The following EPM2A variants were observed in gnomAD, a reference collection of about 807,000 sequenced individuals.
EPM2A encodes laforin.
Under a neutral mutation model 26.5 loss-of-function variants are expected in EPM2A, and 21 were observed. The observed-to-expected ratio is 0.79, with a 90% confidence interval of 0.56 to 1.14. The LOEUF (loss-of-function observed/expected upper bound fraction) is 1.14, where lower values mean the gene tolerates loss of function less well. Ranked by LOEUF, EPM2A falls within the 50% of genes most tolerant of loss-of-function variation. The probability of loss-of-function intolerance (pLI) is 0.00; values close to 1 mark genes in which losing one functional copy is unlikely to be tolerated. For missense variants in EPM2A, 458 were observed against 440.8 expected (o/e 1.04, Z -0.35); for synonymous variants, 217 against 177.6 (o/e 1.22, Z -1.76).
downstream of EPM2A, among the ~76,000 whole-genome samples, chr6:145,623,509 A>G (rs1310272692): frequency 6.6e-6 from 1 of 152,204 alleles, no homozygotes; most frequent in Non-Finnish European, 1.5e-5. Flanking sequence ...GTATGGCTAG[A>G]GCAGAGTGAG....
chr6:145,472,296 C>T (rs1011546640), intron 4 of EPM2A, among the ~76,000 whole-genome samples: 1 of 151,814 alleles, frequency 6.6e-6, no homozygotes, highest in African/African-American at 2.4e-5. Flanking sequence ...TGGTGAGCCC[C>T]TGAGACTTGC....
At chr6:145,710,628 C>A (rs1478185861) in intron 1 of EPM2A, among the ~76,000 whole-genome samples, 2 of 152,090 alleles carry the variant, frequency 1.3e-5, no homozygotes, top group Non-Finnish European at 2.9e-5. Context: ...TGGGTATATA[C>A]CCAAAGGATT....
intron 4 of EPM2A, among the ~76,000 whole-genome samples, chr6:145,385,546 A>G (rs1000506871): frequency 1.3e-5 from 2 of 152,186 alleles, no homozygotes; most frequent in African/African-American, 4.8e-5. Flanking sequence ...TTTTTATGTT[A>G]CATAGCAAAT....
chr6:145,472,996 A>G (rs748776825), intron 4 of EPM2A, among the ~76,000 whole-genome samples: 10 of 152,116 alleles, frequency 6.6e-5, no homozygotes, highest in Non-Finnish European at 1.3e-4. Flanking sequence ...GACACTGAAG[A>G]ACATCTAGTA....
At chr6:145,391,292 T>C (rs4896798) in intron 4 of EPM2A, among the ~76,000 whole-genome samples, 57,016 of 151,986 alleles carry the variant, frequency 0.38, 10,944 homozygotes, top group South Asian at 0.45. Context: ...CCCTCCCTTT[T>C]TGCAGTTTCA....
intron 2 of EPM2A, among the ~76,000 whole-genome samples, chr6:145,516,963 T>C (rs778793469): frequency 1.3e-5 from 2 of 152,176 alleles, no homozygotes; most frequent in African/African-American, 2.4e-5. Context: ...CATCAGTAGA[T>C]GAATGGATAA....
At chr6:145,552,084 A>G (rs1156594357) in intron 2 of EPM2A, among the ~76,000 whole-genome samples, 1 of 151,984 alleles carries the variant, frequency 6.6e-6, no homozygotes, top group African/African-American at 2.4e-5. Flanking sequence ...TTGATGCAAA[A>G]TATGAAAAAT....
At chr6:145,479,081 G>A (rs1405295106) in intron 4 of EPM2A, among the ~76,000 whole-genome samples, 1 of 151,164 alleles carries the variant, frequency 6.6e-6, no homozygotes, top group Non-Finnish European at 1.5e-5. Flanking sequence ...TGTCTTTACT[G>A]ATTTTTGACC....
chr6:145,432,258 T>G (rs541206484), intron 4 of EPM2A, among the ~76,000 whole-genome samples: 2 of 152,340 alleles, frequency 1.3e-5, no homozygotes, highest in Admixed American at 6.5e-5. Flanking sequence ...GCATCTAGAA[T>G]GAACTCTTTC....
chr6:145,470,120 A>G (rs1390223141), intron 4 of EPM2A, among the ~76,000 whole-genome samples: 2 of 152,132 alleles, frequency 1.3e-5, no homozygotes, highest in Non-Finnish European at 1.5e-5. Flanking sequence ...ATAGAACAAC[A>G]AAGTGACCAT....
intron 4 of EPM2A, chr6:145,491,664 C>T (rs898094326): frequency 5.3e-5 from 21 of 393,814 alleles, no homozygotes; most frequent in African/African-American, 2.1e-5. Context: ...CTTTGGGTTG[C>T]TGTCCCAGAC....
chr6:145,598,123 T>C (rs1052514788), intron 2 of EPM2A, among the ~76,000 whole-genome samples: 4 of 152,134 alleles, frequency 2.6e-5, no homozygotes, highest in Non-Finnish European at 5.9e-5. Flanking sequence ...GGTAGTTTTG[T>C]TTTTAGCTCT....
chr6:145,662,510 G>C (rs1201199713), intron 2 of EPM2A, among the ~76,000 whole-genome samples: 9 of 152,152 alleles, frequency 5.9e-5, no homozygotes, highest in Non-Finnish European at 1.3e-4. Flanking sequence ...GATTATGACT[G>C]ATCATGATAG....
intron 4 of EPM2A, among the ~76,000 whole-genome samples, chr6:145,479,945 A>G (rs943311873): frequency 1.5e-4 from 23 of 152,238 alleles, no homozygotes; most frequent in African/African-American, 5.5e-4. Context: ...AGAAAATTAT[A>G]GCCATGCCAG....
chr6:145,535,016 T>TTTTTTTCCG (rs1460473236), intron 2 of EPM2A, among the ~76,000 whole-genome samples: 2 of 152,196 alleles, frequency 1.3e-5, no homozygotes, highest in Non-Finnish European at 2.9e-5. Context: ...CACAACCAAT[T>TTTTTTTCCG]TGACATATGA....
In EPM2A at chr6:145,539,507, G is replaced by T. The variant is rs898987727; in HGVS notation, c.341-36932C>A. 3.9e-5 allele frequency among the ~76,000 whole-genome samples: 6 copies of T among 152,182 alleles called. No individual in the cohort carries two copies. In the East Asian group the frequency reaches 9.6e-4, roughly 24 times the overall value. On this transcript the variant is annotated intron_variant, in intron 2 of 3. Coordinates refer to the EPM2A transcript ENST00000450221. ...CGATAAGGAGGAGAATTTGTTGGTT[G>T]CACTGGAGAGGGAGAACAGAGCTAG...
chr6:145,573,652 G>A (rs74634329), intron 2 of EPM2A, among the ~76,000 whole-genome samples: 33 of 152,330 alleles, frequency 2.2e-4, no homozygotes, highest in African/African-American at 7.7e-4. Context: ...CTAGGCAGAG[G>A]CAGGTGTAAT....
intron 1 of EPM2A, among the ~76,000 whole-genome samples, chr6:145,711,995 G>C (rs535773465): frequency 6.6e-6 from 1 of 152,270 alleles, no homozygotes; most frequent in African/African-American, 2.4e-5. Flanking sequence ...AGTTTGAAAA[G>C]AGCCCCTTTA....
chr6:145,486,236 C>T (rs1374671001), intron 4 of EPM2A, among the ~76,000 whole-genome samples: 2 of 152,112 alleles, frequency 1.3e-5, no homozygotes, highest in Non-Finnish European at 2.9e-5. Context: ...TGAAGGTCAC[C>T]CCAGAAGGAC....
Sources: gnomAD v4.1 joint callset for allele counts (sites outside exome capture counted in the v4.1 genomes callset) on GRCh38, gnomAD v4.1.1 for gene constraint, MANE v1.5 for transcripts, NCBI Gene and HGNC (gene_info 2026-07-23, HGNC 2026-07-21) for gene names.